FUT8: variants seen among roughly 807,000 people sequenced by gnomAD.
The protein encoded by FUT8 is alpha-(1,6)-fucosyltransferase.
FUT8 carries 29 observed loss-of-function variants against 71.3 expected under a neutral mutation model. The observed-to-expected ratio is 0.41, with a 90% CI of 0.30 to 0.55. FUT8 has a LOEUF of 0.55. Among genes scored for constraint, FUT8 ranks in the 20% least tolerant of loss-of-function variants. The pLI is 0.34. For missense variants in FUT8, 544 were observed against 702.1 expected (o/e 0.77, Z 2.55); for synonymous variants, 254 against 239.3 (o/e 1.06, Z -0.57).
intron 3 of FUT8, among the ~76,000 whole-genome samples, chr14:65,570,863 C>T (rs1398276802): frequency 6.6e-6 from 1 of 152,064 alleles, no homozygotes; most frequent in Non-Finnish European, 1.5e-5. Flanking sequence ...TAGGAGTATG[C>T]GCCTGTAACA....
rs919030578 is a variant in FUT8 at position 65,467,801 on chromosome 14, C to T, written c.-228+12083C>T. On this transcript the variant is annotated intron_variant, in intron 2 of 10. Transcript: ENST00000673929. This position sits in a 1 kb window ranked among gnomAD's most constrained non-coding sequence, Gnocchi z 4.1. ...TCTAGAGGTCTTTTATTTTTTTTAA[C>T]ACCTGTTATGCTATGAATTCACAGG... is the stretch of plus-strand genomic sequence containing the variant. The T allele has an allele frequency of 2.6e-5, 19 of 725,414 alleles. No homozygotes were observed. In the Admixed American group the frequency reaches 3.2e-4, roughly 12 times the overall value. 44.9% of individuals were successfully genotyped at this position (725,414 alleles called of 1,614,324 possible). A position where few individuals can be genotyped will look rare whatever the true frequency, so the allele number is the denominator to read the frequency against.
intron 2 of FUT8, among the ~76,000 whole-genome samples, chr14:65,551,372 A>G (rs1025298480): frequency 2.6e-5 from 4 of 152,196 alleles, no homozygotes; most frequent in African/African-American, 9.6e-5. Flanking sequence ...AGCTATATCT[A>G]TCTTTAGGAA....
intron 2 of FUT8, among the ~76,000 whole-genome samples, chr14:65,543,320 T>A (rs1386276870): frequency 6.6e-6 from 1 of 152,176 alleles, no homozygotes; most frequent in East Asian, 1.9e-4. Context: ...TGATTTAATT[T>A]TTATTTTGCT....
At chr14:65,625,405 G>A (rs1021525334) in intron 5 of FUT8, among the ~76,000 whole-genome samples, 3 of 152,150 alleles carry the variant, frequency 2.0e-5, no homozygotes, top group African/African-American at 7.2e-5. Context: ...AGTCCATAGA[G>A]GACTCAGTTT....
At chr14:65,736,920 C>T (rs138441900) in intron 10 of FUT8, among the ~76,000 whole-genome samples, 24 of 152,198 alleles carry the variant, frequency 1.6e-4, no homozygotes, top group Non-Finnish European at 3.4e-4. Context: ...GTCTCCTATA[C>T]ACTATCCTTT....
At chr14:65,443,784 C>T (rs1277354141) in intron 1 of FUT8, among the ~76,000 whole-genome samples, 2 of 151,496 alleles carry the variant, frequency 1.3e-5, no homozygotes, top group Non-Finnish European at 2.9e-5. Flanking sequence ...ATATAAACTC[C>T]TTGAGTTCAG....
chr14:65,415,827 G>A (rs1293128758), intron 1 of FUT8, among the ~76,000 whole-genome samples: 3 of 152,010 alleles, frequency 2.0e-5, no homozygotes, highest in Non-Finnish European at 2.9e-5. Context: ...AATTGAATGT[G>A]TGCCTTTGAA....
chr14:65,425,890 T>C (rs1044368516), intron 1 of FUT8, among the ~76,000 whole-genome samples: 12 of 151,818 alleles, frequency 7.9e-5, no homozygotes, highest in African/African-American at 2.7e-4. Flanking sequence ...GGCAGGAGAA[T>C]TGCTTGAACC....
At chr14:65,401,500 TA>T in the FUT8 span, among the ~76,000 whole-genome samples, 1 of 152,192 alleles carries the variant, frequency 6.6e-6, no homozygotes, top group South Asian at 2.1e-4. Context: ...GAATGTGTAA[TA>T]GGAAACTGAG....
At chr14:65,630,387 T>A (rs1165650121) in intron 6 of FUT8, among the ~76,000 whole-genome samples, 1 of 152,232 alleles carries the variant, frequency 6.6e-6, no homozygotes. Flanking sequence ...CTTACATATA[T>A]GTAAGAAAAT....
At chr14:65,676,255 A>G (rs1387447442) in intron 7 of FUT8, among the ~76,000 whole-genome samples, 1 of 152,200 alleles carries the variant, frequency 6.6e-6, no homozygotes, top group East Asian at 1.9e-4. Context: ...CGTATTTAGC[A>G]TCCACCTCAC....
chr14:65,695,437 T>G (rs970906365), intron 7 of FUT8, among the ~76,000 whole-genome samples: 3 of 152,190 alleles, frequency 2.0e-5, no homozygotes, highest in African/African-American at 7.2e-5. Flanking sequence ...AATTTTTTTG[T>G]TTTTTGTTCA....
intron 2 of FUT8, among the ~76,000 whole-genome samples, chr14:65,488,022 A>G (rs1959145): frequency 0.68 from 103,151 of 151,944 alleles, 35,175 homozygotes; most frequent in East Asian, 0.77. Flanking sequence ...GGGTCTTGCT[A>G]TGTTGCCCAG....
chr14:65,628,336 C>T (rs1890006103), intron 5 of FUT8, among the ~76,000 whole-genome samples: 1 of 152,090 alleles, frequency 6.6e-6, no homozygotes, highest in East Asian at 1.9e-4. Flanking sequence ...GCTGAGGAGC[C>T]AATTCATGTT....
chr14:65,729,784 G>A (rs1189975513), intron 9 of FUT8, among the ~76,000 whole-genome samples: 1 of 152,130 alleles, frequency 6.6e-6, no homozygotes, highest in African/African-American at 2.4e-5. Context: ...TGCAAGAATA[G>A]TAAAACCAGA....
intron 5 of FUT8, chr14:65,617,054 A>G: frequency 6.3e-7 from 1 of 1,576,348 alleles, no homozygotes; most frequent in African/African-American, 1.4e-5. Flanking sequence ...ACCTGTCTTT[A>G]GGCCTGTTAT....
intron 2 of FUT8, among the ~76,000 whole-genome samples, chr14:65,515,509 A>G (rs1594723924): frequency 3.3e-5 from 5 of 151,846 alleles, no homozygotes; most frequent in Admixed American, 2.6e-4. Flanking sequence ...AGATTTCACT[A>G]TATAATGTTT....
upstream of FUT8, chr14:65,412,176 G>A (rs944702370): frequency 3.5e-5 from 16 of 456,740 alleles, no homozygotes; most frequent in Admixed American, 2.8e-4. Context: ...GCTCTTACAA[G>A]ATAAAGTAGG....
intron 7 of FUT8, among the ~76,000 whole-genome samples, chr14:65,677,167 CGCGCACGTAT>C (rs1892795773): frequency 9.9e-6 from 1 of 100,790 alleles, no homozygotes; most frequent in Non-Finnish European, 1.9e-5. Context: ...CGCGCATGCG[CGCGCACGTAT>C]GTGTGTGCGC....
Sources: gnomAD v4.1 joint callset for allele counts (sites outside exome capture counted in the v4.1 genomes callset) on GRCh38, gnomAD v4.1.1 for gene constraint, Gnocchi (gnomAD v3.1) non-coding constraint, MANE v1.5 for transcripts, NCBI Gene and HGNC (gene_info 2026-07-23, HGNC 2026-07-21) for gene names.